The following ERP27 variants were observed in gnomAD, a reference collection of about 807,000 sequenced individuals.
The protein encoded by ERP27 is endoplasmic reticulum protein 27.
Under a neutral mutation model 27.7 loss-of-function variants are expected in ERP27, and 23 were observed. That is an observed-to-expected ratio of 0.83 (90% CI 0.60 to 1.18). The LOEUF (loss-of-function observed/expected upper bound fraction) is 1.18. Among genes scored for constraint, ERP27 ranks in the 50% most tolerant of loss-of-function variants. ERP27 has a pLI of 0.00. For synonymous variants in ERP27, 159 were observed against 118.3 expected (o/e 1.34, Z -2.23); for missense variants, 363 against 327.9 (o/e 1.11, Z -0.83).
chr12:14,926,933 A>G (rs1863611426), intron 3 of ERP27, among the ~76,000 whole-genome samples: 3 of 151,722 alleles, frequency 2.0e-5, no homozygotes, highest in Non-Finnish European at 4.4e-5. Flanking sequence ...ACCTTTTACT[A>G]TTTTCCTTAG....
In ERP27 at chr12:14,914,727, A is replaced by G. The variant is rs1565447686; in HGVS notation, c.*8T>C. ...AGATACTTGGCCATATGTAGTTCCA[A>G]GGAGAAGTCAGAGTTCCACCTTTGG... On this transcript the variant is annotated 3_prime_UTR_variant, in exon 7 of 7. Transcript: ENST00000266397. 6.2e-7 allele frequency: 1 copy of G among 1,612,808 alleles called. No individual in the cohort carries two copies.
rs10699558 is a variant in ERP27, at chr12:14,914,558, CTGTG to C, written c.*173_*176del. Reference sequence around the variant, plus strand: ...AGATTTTAAGACAGGAAATGAAGCTCTGTGTGTGTGTGTGTGTGTGCGTGTGTGT... The same window carrying C: ...AGATTTTAAGACAGGAAATGAAGCTCTGTGTGTGTGTGTGTGCGTGTGTGT... On this transcript the variant is annotated 3_prime_UTR_variant, in exon 7 of 7. Transcript: ENST00000266397. 3.2e-4 allele frequency: 114 copies of C among 352,332 alleles called. No individual in the cohort carries two copies. Among genetic ancestry groups the C allele is most frequent in the South Asian group, 1.6e-3 (22 of 13,952 alleles). 21.8% of individuals were successfully genotyped at this position (352,332 alleles called of 1,614,324 possible). A position where few individuals can be genotyped will look rare whatever the true frequency, so the allele number is the denominator to read the frequency against.
chr12:14,937,113 G>A (rs559645843), intron 2 of ERP27, among the ~76,000 whole-genome samples: 44 of 152,282 alleles, frequency 2.9e-4, no homozygotes, highest in Non-Finnish European at 5.7e-4. Flanking sequence ...CTTTCTGACG[G>A]TGTTTTTGTC....
chr12:14,931,363 CAAAAA>C (rs60215173), intron 3 of ERP27, among the ~76,000 whole-genome samples: 2 of 129,464 alleles, frequency 1.5e-5, no homozygotes. Flanking sequence ...GTTCCCTTTT[CAAAAA>C]AAAAAAAAAA....
intron 2 of ERP27, among the ~76,000 whole-genome samples, chr12:14,936,179 A>C (rs1054986999): frequency 2.6e-5 from 4 of 152,334 alleles, no homozygotes; most frequent in South Asian, 4.1e-4. Context: ...AGACGCCATC[A>C]AAAGGGCCAA....
chr12:14,934,794 G>A (rs1243113878), intron 3 of ERP27, 62 bp downstream of exon 3: 2 of 1,598,868 alleles, frequency 1.3e-6, no homozygotes, highest in Non-Finnish European at 1.7e-6. Flanking sequence ...AGTCTCACAA[G>A]TTTATGAGTC....
chr12:14,925,664 T>A (rs1036412716), intron 3 of ERP27, among the ~76,000 whole-genome samples: 1 of 152,232 alleles, frequency 6.6e-6, no homozygotes, highest in Admixed American at 6.5e-5. Flanking sequence ...ATTAAGTATA[T>A]TTTACAGCTT....
intron 3 of ERP27, chr12:14,928,875 A>G: frequency 6.8e-7 from 1 of 1,476,276 alleles, no homozygotes; most frequent in Non-Finnish European, 9.1e-7. Flanking sequence ...ACGAATGAGT[A>G]AAGAAATAAA....
intron 6 of ERP27, 96 bp from the exon 7 acceptor site, chr12:14,914,878 C>G: frequency 3.1e-6 from 3 of 960,292 alleles, no homozygotes; most frequent in Non-Finnish European, 3.1e-6. Flanking sequence ...CTCATGAACC[C>G]TGTTATATGA....
chr12:14,915,869 G>C (rs1863403047), intron 5 of ERP27, 183 bp from the exon 6 acceptor site: 2 of 613,000 alleles, frequency 3.3e-6, no homozygotes, highest in Non-Finnish European at 5.6e-6. Flanking sequence ...TCTTTTGTGG[G>C]AACGTGGATG....
chr12:14,931,324 C>A (rs1863693378), intron 3 of ERP27, among the ~76,000 whole-genome samples: 1 of 137,668 alleles, frequency 7.3e-6, no homozygotes. Flanking sequence ...TCACGTTTCC[C>A]AGTGTAAAAT....
Position 14,934,908 on chromosome 12 carries a change from TCA to T in ERP27, c.279_280del (p.Glu94GlyfsTer21), listed in dbSNP as rs757511258. 145 of 1,614,150 alleles carry T rather than the reference TCA, an allele frequency of 9.0e-5. No homozygotes were observed. In the African/African-American group the frequency reaches 1.8e-3, roughly 20 times the overall value. ...AGTGATGTTGTAGTGTGTCAGAACC[TCA>T]GAATCAGTGCTGATCCCAAATGACA... On this transcript the variant is annotated frameshift_variant, in exon 3 of 7. Coordinates refer to ENST00000266397, the MANE Select transcript of ERP27 (RefSeq NM_152321.4). LOFTEE classifies it high-confidence loss of function.
chr12:14,936,754 C>T (rs1203990482), intron 2 of ERP27, among the ~76,000 whole-genome samples: 1 of 152,080 alleles, frequency 6.6e-6, no homozygotes, highest in Non-Finnish European at 1.5e-5. Context: ...ATTCTCTCTC[C>T]TGCCATCCTG....
chr12:14,931,325 A>G (rs1241171569), intron 3 of ERP27, among the ~76,000 whole-genome samples: 1 of 149,396 alleles, frequency 6.7e-6, no homozygotes, highest in Non-Finnish European at 1.5e-5. Flanking sequence ...CACGTTTCCC[A>G]GTGTAAAATA....
chr12:14,918,774 T>C (rs1471333530), intron 4 of ERP27, among the ~76,000 whole-genome samples: 2 of 152,200 alleles, frequency 1.3e-5, no homozygotes, highest in East Asian at 1.9e-4. Flanking sequence ...GAGGGCCCAG[T>C]AGGTCCTTTC....
intron 4 of ERP27, 80 bp downstream of exon 4, chr12:14,920,852 G>T: frequency 9.7e-7 from 1 of 1,025,694 alleles, no homozygotes; most frequent in Non-Finnish European, 1.5e-6. Context: ...AACTCTGGGA[G>T]GAAGAGACCT....
chr12:14,914,823 G>A, intron 6 of ERP27, 41 bp from the exon 7 acceptor site: 1 of 1,518,926 alleles, frequency 6.6e-7, no homozygotes, highest in South Asian at 1.1e-5. Flanking sequence ...TTAGTAAACT[G>A]AGCTGTTTAC....
Position 14,937,951 on chromosome 12 carries a change from C to T in ERP27, c.195+1G>A, listed in dbSNP as rs958016490. ...GGGGGAATTGCAAGTAGGGAACTAA[C>T]CTGGAAGAAGCCTATGACAGCCACC... On this transcript the variant is annotated splice_donor_variant, in intron 2 of 6. Coordinates refer to ENST00000266397, the MANE Select transcript of ERP27 (RefSeq NM_152321.4). LOFTEE classifies it high-confidence loss of function. 3.7e-6 allele frequency: 6 copies of T among 1,613,598 alleles called. No homozygotes were observed. The highest frequency in any genetic ancestry group is 1.7e-5 in the Admixed American group (1 of 59,988).
At chr12:14,917,563 A>G (rs1351116922) in intron 4 of ERP27, among the ~76,000 whole-genome samples, 2 of 152,184 alleles carry the variant, frequency 1.3e-5, no homozygotes, top group Non-Finnish European at 2.9e-5. Flanking sequence ...TGTGACTTCC[A>G]AGGTGAAGTC....
Sources: allele counts gnomAD v4.1 joint callset (sites outside exome capture counted in the v4.1 genomes callset), GRCh38; gene constraint gnomAD v4.1.1; transcripts MANE v1.5; gene names NCBI Gene and HGNC (gene_info 2026-07-23, HGNC 2026-07-21).